STK32C: variants seen among roughly 807,000 people sequenced by gnomAD.
STK32C encodes the protein serine/threonine-protein kinase 32C.
A neutral mutation model predicts 56.5 loss-of-function variants in STK32C; 31 were observed. The ratio of observed to expected loss-of-function variants is 0.55; its 90% CI spans 0.41 to 0.74. STK32C has a LOEUF of 0.74. STK32C is among the 30% of genes least tolerant of loss of function. STK32C has a pLI of 0.00. For synonymous variants in STK32C, 309 were observed against 289.4 expected (o/e 1.07, Z -0.69); for missense variants, 544 against 676.9 (o/e 0.80, Z 2.18).
chr10:132,297,817 C>G (rs1280790540), intron 1 of STK32C, among the ~76,000 whole-genome samples: 1 of 152,224 alleles, frequency 6.6e-6, no homozygotes, highest in Non-Finnish European at 1.5e-5. Flanking sequence ...GGTGCACACC[C>G]GCCTGGTCTC....
intron 1 of STK32C, among the ~76,000 whole-genome samples, chr10:132,283,731 C>T (rs1332133152): frequency 2.0e-5 from 3 of 152,158 alleles, no homozygotes; most frequent in East Asian, 1.9e-4. Flanking sequence ...GGAGGGAACA[C>T]GTGGTGCCAT....
intron 1 of STK32C, among the ~76,000 whole-genome samples, chr10:132,318,242 T>C (rs2066343103): frequency 6.6e-6 from 1 of 151,372 alleles, no homozygotes; most frequent in Non-Finnish European, 1.5e-5. Context: ...CACTCCAGCC[T>C]GGGCGACAGA....
rs2066127941 is a variant in STK32C at position 132,307,870 on chromosome 10, G to T, written c.-37C>A. 1 of 1,142,960 alleles carries T rather than the reference G, an allele frequency of 8.7e-7. No individual in the cohort carries two copies. Among genetic ancestry groups the T allele is most frequent in the African/African-American group, 1.7e-5 (1 of 58,374 alleles). 70.8% of individuals were successfully genotyped at this position (1,142,960 alleles called of 1,614,324 possible). ...GGTGCGCGCGGCAGCCGGAACTCGG[G>T]GCATGGCCGGCCGGCAGGGCCGGGA... On this transcript the variant is annotated 5_prime_UTR_variant, in exon 1 of 12. Transcript: ENST00000298630. This position sits in a 1 kb window ranked among gnomAD's most constrained non-coding sequence, Gnocchi z 4.4.
chr10:132,281,742 T>A (rs2065214361), intron 1 of STK32C, among the ~76,000 whole-genome samples: 1 of 152,164 alleles, frequency 6.6e-6, no homozygotes, highest in African/African-American at 2.4e-5. Context: ...AAAGACAGAT[T>A]CCCTCCCGGC....
At chr10:132,218,124 G>A (rs2062526330) in intron 10 of STK32C, among the ~76,000 whole-genome samples, 1 of 152,112 alleles carries the variant, frequency 6.6e-6, no homozygotes, top group African/African-American at 2.4e-5. Flanking sequence ...GACCAACCTG[G>A]ACAACATAGT....
intron 1 of STK32C, among the ~76,000 whole-genome samples, chr10:132,251,111 T>G (rs1411995324): frequency 6.6e-6 from 1 of 152,120 alleles, no homozygotes; most frequent in Non-Finnish European, 1.5e-5. Context: ...ATCTGCCTCC[T>G]ATCTGCCACA....
chr10:132,288,130 G>A (rs1345040407), intron 1 of STK32C, among the ~76,000 whole-genome samples: 3 of 151,974 alleles, frequency 2.0e-5, no homozygotes, highest in African/African-American at 7.3e-5. Context: ...AAATAGTGCT[G>A]GACCATAAAA....
chr10:132,299,549 A>T (rs1007143664), intron 1 of STK32C, among the ~76,000 whole-genome samples: 2 of 152,284 alleles, frequency 1.3e-5, no homozygotes, highest in African/African-American at 4.8e-5. Context: ...GGTTTGCACC[A>T]GCCCGCAGCT....
At chr10:132,331,981 G>C, upstream of STK32C, 1 of 461,360 alleles carries the variant, frequency 2.2e-6, no homozygotes, top group East Asian at 3.8e-5. Context: ...CCCCTCCCGG[G>C]CAGGCGCACC....
At chr10:132,318,260 T>A (rs2066343488) in intron 1 of STK32C, among the ~76,000 whole-genome samples, 1 of 133,390 alleles carries the variant, frequency 7.5e-6, no homozygotes, top group Non-Finnish European at 1.6e-5. Context: ...AGAAGGAGAC[T>A]ATGTCTCAAA....
chr10:132,286,656 C>T (rs1199038542), intron 1 of STK32C, among the ~76,000 whole-genome samples: 1 of 152,100 alleles, frequency 6.6e-6, no homozygotes, highest in Non-Finnish European at 1.5e-5. Flanking sequence ...ATCATCACGT[C>T]CACAAATACA....
At chr10:132,248,502 C>G (rs544083419) in intron 1 of STK32C, among the ~76,000 whole-genome samples, 14 of 152,364 alleles carry the variant, frequency 9.2e-5, no homozygotes, top group African/African-American at 3.1e-4. Context: ...AGGCTCCACC[C>G]AGGCCCAGGT....
intron 2 of STK32C, 51 bp from the exon 3 acceptor site, chr10:132,228,179 CGTG>C (rs1034520134): frequency 5.0e-6 from 8 of 1,612,814 alleles, no homozygotes; most frequent in Non-Finnish European, 5.9e-6. Context: ...CCTGGGGACA[CGTG>C]GGGACACCTG....
intron 1 of STK32C, among the ~76,000 whole-genome samples, chr10:132,253,896 A>T (rs889871114): frequency 2.6e-5 from 4 of 152,182 alleles, no homozygotes; most frequent in African/African-American, 9.7e-5. Context: ...CCCTGCAGGG[A>T]CCCGCCTCTG....
downstream of STK32C, among the ~76,000 whole-genome samples, chr10:132,322,663 T>C (rs1355525112): frequency 2.6e-5 from 4 of 152,208 alleles, no homozygotes; most frequent in Non-Finnish European, 5.9e-5. Flanking sequence ...GCCAGCATCT[T>C]AGAAGCCCTG....
At chr10:132,224,386 G>T in intron 8 of STK32C, 21 bp downstream of exon 8, 3 of 1,526,912 alleles carry the variant, frequency 2.0e-6, no homozygotes, top group Non-Finnish European at 1.8e-6. Context: ...AGGGTGAGGA[G>T]GCTCAGGGAT....
chr10:132,221,549 GC>G (rs1432861037), intron 10 of STK32C, among the ~76,000 whole-genome samples: 1 of 142,996 alleles, frequency 7.0e-6, no homozygotes, highest in African/African-American at 2.7e-5. Flanking sequence ...AAGTGTGAGG[GC>G]TTCACGTGGC....
At chr10:132,271,148 G>T (rs1034630727) in intron 1 of STK32C, among the ~76,000 whole-genome samples, 1 of 152,112 alleles carries the variant, frequency 6.6e-6, no homozygotes, top group African/African-American at 2.4e-5. Context: ...TGTCCTAACC[G>T]GGGCCTTCCA....
At chr10:132,208,222 C>G in intron 11 of STK32C, 71 bp from the exon 12 acceptor site, 1 of 1,275,904 alleles carries the variant, frequency 7.8e-7, no homozygotes, top group Non-Finnish European at 1.0e-6. Flanking sequence ...ATGACCTGCC[C>G]ACGGGCTCAT....
Sources: gnomAD v4.1 joint callset for allele counts (sites outside exome capture counted in the v4.1 genomes callset) on GRCh38, gnomAD v4.1.1 for gene constraint, Gnocchi (gnomAD v3.1) non-coding constraint, MANE v1.5 for transcripts, NCBI Gene and HGNC (gene_info 2026-07-23, HGNC 2026-07-21) for gene names.